Variants in C13orf46 observed in about 807,000 individuals in gnomAD.
The protein encoded by C13orf46 is uncharacterized protein C13orf46.
chr13:113,957,071 A>C (rs1245577120), intron 6 of C13orf46, among the ~76,000 whole-genome samples: 2 of 127,514 alleles, frequency 1.6e-5, no homozygotes, highest in Admixed American at 7.9e-5. Context: ...ATATGCTCCC[A>C]TTTCATCAAG....
chr13:113,949,442 G>A (rs2052480711), downstream of C13orf46, among the ~76,000 whole-genome samples: 1 of 152,208 alleles, frequency 6.6e-6, no homozygotes, highest in Non-Finnish European at 1.5e-5. Flanking sequence ...TTCAGGGTCT[G>A]TGACACTCCA....
the C13orf46 span, among the ~76,000 whole-genome samples, chr13:113,947,423 G>A: frequency 0.019 from 2,911 of 152,258 alleles, 31 homozygotes; most frequent in Non-Finnish European, 0.022. Context: ...GTCTGCTGTC[G>A]GAAGCAGGAG....
At chr13:113,949,254 T>G (rs1475795527), downstream of C13orf46, among the ~76,000 whole-genome samples, 4 of 152,242 alleles carry the variant, frequency 2.6e-5, no homozygotes, top group South Asian at 2.1e-4. Flanking sequence ...TCCTTCATAA[T>G]AAGCATGATT....
chr13:113,960,780 C>T (rs1352603061), intron 6 of C13orf46, among the ~76,000 whole-genome samples: 1 of 152,244 alleles, frequency 6.6e-6, no homozygotes, highest in Non-Finnish European at 1.5e-5. Flanking sequence ...CCTGAAGATG[C>T]TCTTCCTGTG....
chr13:113,970,211 G>C lies in C13orf46; in HGVS notation c.202C>G (p.Gln68Glu), dbSNP rs1428497886. 6.6e-6 allele frequency: 1 copy of C among 152,092 alleles called. No homozygotes were observed. Among genetic ancestry groups the C allele is most frequent in the African/African-American group, 2.4e-5 (1 of 41,346 alleles). The allele number at this position is 152,092 out of a possible 1,614,324, so 9.4% of individuals were successfully genotyped here. A position where few individuals can be genotyped will look rare whatever the true frequency, so the allele number is the denominator to read the frequency against. The change falls in exon 2 of 7, where the codon CAA becomes GAA. Residue 68 changes from glutamine (Q) to glutamate (E), a missense_variant. Coordinates refer to ENST00000636427, the MANE Select transcript of C13orf46 (RefSeq NM_001365455.2). ...GCGTTACTGCTTGGGTCTTTCCCTT[G>C]ATCTTCGGACTCTGGGGAGGAAGGA... ...KPHKELESEDQGKDPSSNAED... is the reference protein window; with the variant it reads ...KPHKELESEDEGKDPSSNAED...
rs1183568354 is a variant in C13orf46 at position 113,954,454 on chromosome 13, C to G, written c.*2319G>C. The G allele has an allele frequency of 6.6e-6, 1 of 152,372 alleles. No homozygotes were observed. The highest frequency in any genetic ancestry group is 2.4e-5 in the African/African-American group (1 of 41,464). 9.4% of individuals were successfully genotyped at this position (152,372 alleles called of 1,614,324 possible). A position where few individuals can be genotyped will look rare whatever the true frequency, so the allele number is the denominator to read the frequency against. ...CCACACCCCTAGGAAGACTCCCTCT[C>G]CTCCTCTGAGTGGGGAGCATGTGGC... On this transcript the variant is annotated 3_prime_UTR_variant, in exon 7 of 7. Coordinates refer to ENST00000636427, the MANE Select transcript of C13orf46 (RefSeq NM_001365455.2).
At chr13:113,969,134 A>G (rs1006778195) in intron 2 of C13orf46, among the ~76,000 whole-genome samples, 1 of 152,252 alleles carries the variant, frequency 6.6e-6, no homozygotes, top group Non-Finnish European at 1.5e-5. Context: ...CAAATGGGCC[A>G]TGCTGGCCAG....
the C13orf46 span, among the ~76,000 whole-genome samples, chr13:113,938,005 T>A: frequency 6.6e-6 from 1 of 152,228 alleles, no homozygotes; most frequent in East Asian, 1.9e-4. Flanking sequence ...TCTTTGTAGT[T>A]CCCTTACTCA....
intron 6 of C13orf46, among the ~76,000 whole-genome samples, chr13:113,959,295 G>C (rs922842764): frequency 6.6e-6 from 1 of 152,188 alleles, no homozygotes. Context: ...AAAGATTCTA[G>C]GAAGAAATGG....
chr13:113,967,753 C>T (rs1045415687), intron 4 of C13orf46, among the ~76,000 whole-genome samples: 1 of 152,306 alleles, frequency 6.6e-6, no homozygotes, highest in African/African-American at 2.4e-5. Context: ...CTTGGGGAGC[C>T]GGGCTGCTCC....
At chr13:113,931,505 G>A in the C13orf46 span, among the ~76,000 whole-genome samples, 13 of 152,178 alleles carry the variant, frequency 8.5e-5, no homozygotes, top group Admixed American at 2.0e-4. Context: ...GGAGGCCCTC[G>A]GGCTGGTGGG....
rs958552901 is a variant in C13orf46 at position 113,955,044 on chromosome 13, G to A, written c.*1729C>T. 4.0e-4 allele frequency: 74 copies of A among 186,010 alleles called. No homozygotes were observed. The highest frequency in any genetic ancestry group is 2.6e-3 in the Admixed American group (40 of 15,346). The allele number at this position is 186,010 out of a possible 1,614,324, so 11.5% of individuals were successfully genotyped here. A position where few individuals can be genotyped will look rare whatever the true frequency, so the allele number is the denominator to read the frequency against. On this transcript the variant is annotated 3_prime_UTR_variant, in exon 7 of 7. Coordinates refer to ENST00000636427, the MANE Select transcript of C13orf46 (RefSeq NM_001365455.2). ...GCGGAGAGGAGGAGTAGGATCTGGC[G>A]GAGAGGAGGAGCATCCGGCGGGGAT...
Position 113,965,922 on chromosome 13 carries a change from A to G in C13orf46, c.505-928T>C, listed in dbSNP as rs908889729. Among the ~76,000 whole-genome samples, 15 of 146,008 alleles carry G rather than the reference A, an allele frequency of 1.0e-4. No individual in the cohort carries two copies. In the East Asian group the frequency reaches 1.7e-3, roughly 17 times the overall value. On this transcript the variant is annotated intron_variant, in intron 5 of 6. Transcript: ENST00000636427. ...TGATGATGGCGATGGTGATGGTGAC[A>G]ATGATGATGATTATGATGGTGATGA... is the stretch of plus-strand genomic sequence containing the variant.
the C13orf46 span, among the ~76,000 whole-genome samples, chr13:113,945,674 A>AGGG: frequency 4.0e-4 from 55 of 137,838 alleles, 1 homozygote; most frequent in African/African-American, 1.5e-3. Context: ...GAAAGAAAGG[A>AGGG]AAGAAAAACA....
the C13orf46 span, among the ~76,000 whole-genome samples, chr13:113,931,763 GGTCAGATGTCATTGGTT>G: frequency 6.6e-6 from 1 of 152,038 alleles, no homozygotes; most frequent in South Asian, 2.1e-4. Flanking sequence ...ATCTCTTTAC[GGTCAGATGTCATTGGTT>G]GTGGTATTTT....
chr13:113,961,280 A>G (rs1425978593), intron 6 of C13orf46, among the ~76,000 whole-genome samples: 1 of 152,018 alleles, frequency 6.6e-6, no homozygotes, highest in African/African-American at 2.4e-5. Context: ...ATGTTCTAAA[A>G]ATTACATACA....
In C13orf46 at chr13:113,955,146, A is replaced by G. The variant is rs1272524815; in HGVS notation, c.*1627T>C. 4.5e-6 allele frequency: 1 copy of G among 221,682 alleles called. No individual in the cohort carries two copies. The highest frequency in any genetic ancestry group is 8.7e-6 in the Non-Finnish European group (1 of 115,372). The allele number at this position is 221,682 out of a possible 1,614,324, so 13.7% of individuals were successfully genotyped here. On this transcript the variant is annotated 3_prime_UTR_variant, in exon 7 of 7. Coordinates refer to ENST00000636427, the MANE Select transcript of C13orf46 (RefSeq NM_001365455.2). ...GGTGGAGACGAGGAGCATCCGGTGGAGATGAGGAGCATCTCGAGGAGAGGA... is the reference window on the plus strand; with the variant it reads ...GGTGGAGACGAGGAGCATCCGGTGGGGATGAGGAGCATCTCGAGGAGAGGA...
At chr13:113,931,897 G>A in the C13orf46 span, among the ~76,000 whole-genome samples, 2 of 152,054 alleles carry the variant, frequency 1.3e-5, no homozygotes, top group African/African-American at 2.4e-5. Flanking sequence ...ACAGAGCCAT[G>A]ACCACAATCG....
At chr13:113,944,040 C>T in the C13orf46 span, among the ~76,000 whole-genome samples, 18 of 152,182 alleles carry the variant, frequency 1.2e-4, no homozygotes, top group African/African-American at 2.2e-4. Context: ...CATCCCAAGA[C>T]GCACGCTGCA....
Sources: gnomAD v4.1 joint callset for allele counts (sites outside exome capture counted in the v4.1 genomes callset) on GRCh38, gnomAD v4.1.1 for gene constraint, MANE v1.5 for transcripts, NCBI Gene and HGNC (gene_info 2026-07-23, HGNC 2026-07-21) for gene names.